Variants in MPZL1 observed in about 807,000 individuals in gnomAD.
MPZL1 encodes the protein myelin protein zero like 1.
Under a neutral mutation model 29.3 loss-of-function variants are expected in MPZL1, and 16 were observed. The observed-to-expected ratio is 0.55, with a 90% CI of 0.37 to 0.83. MPZL1 has a LOEUF of 0.83. Among genes scored for constraint, MPZL1 ranks in the 40% least tolerant of loss-of-function variants. MPZL1 has a pLI of 0.00. For synonymous variants in MPZL1, 143 were observed against 132.0 expected (o/e 1.08, Z -0.57); for missense variants, 279 against 332.9 (o/e 0.84, Z 1.26).
chr1:167,772,163 G>A, intron 2 of MPZL1, 112 bp from the exon 3 acceptor site: 1 of 827,190 alleles, frequency 1.2e-6, no homozygotes, highest in Non-Finnish European at 1.9e-6. Flanking sequence ...GAGAGATGTT[G>A]CATTTCTTTC....
At chr1:167,736,443 G>GA (rs1660380055) in intron 1 of MPZL1, among the ~76,000 whole-genome samples, 1 of 152,048 alleles carries the variant, frequency 6.6e-6, no homozygotes, top group Non-Finnish European at 1.5e-5. Flanking sequence ...ATGTCCAGAG[G>GA]CACCTCAAAC....
chr1:167,725,215 C>G (rs1239297573), intron 1 of MPZL1, among the ~76,000 whole-genome samples: 1 of 152,188 alleles, frequency 6.6e-6, no homozygotes, highest in Admixed American at 6.6e-5. Context: ...TCTACCTCCA[C>G]TCCTAGCCTT....
At chr1:167,761,842 A>G (rs1311111872) in intron 1 of MPZL1, among the ~76,000 whole-genome samples, 2 of 152,194 alleles carry the variant, frequency 1.3e-5, no homozygotes, top group Non-Finnish European at 2.9e-5. Flanking sequence ...TTCCAGGTGA[A>G]GGCCCTGAAG....
rs560160551 is a variant in MPZL1, at chr1:167,776,204, C to T, written c.708+38C>T. On this transcript the variant is annotated intron_variant, in intron 5 of 5. Transcript: ENST00000359523. ...TGCGATTCTGCCCACTGCACTGTTC[C>T]CTACAGCTTGGTGCTCTGTCACTTC... The T allele has an allele frequency of 2.0e-6, 3 of 1,482,826 alleles. No individual in the cohort carries two copies. The African/African-American group carries it at 4.2e-5, about 21-fold the overall frequency. 91.9% of individuals were successfully genotyped at this position (1,482,826 alleles called of 1,614,324 possible).
At chr1:167,768,055 T>G (rs1217206949) in intron 2 of MPZL1, among the ~76,000 whole-genome samples, 1 of 152,074 alleles carries the variant, frequency 6.6e-6, no homozygotes. Context: ...GTGTGCCTGG[T>G]CTTGTGCAGT....
At chr1:167,754,796 A>G (rs968092808) in intron 1 of MPZL1, among the ~76,000 whole-genome samples, 1 of 152,186 alleles carries the variant, frequency 6.6e-6, no homozygotes, top group Non-Finnish European at 1.5e-5. Flanking sequence ...CCTGATACCC[A>G]GGCCATACCC....
At chr1:167,740,285 G>A (rs1165266101) in intron 1 of MPZL1, among the ~76,000 whole-genome samples, 1 of 152,084 alleles carries the variant, frequency 6.6e-6, no homozygotes, top group Admixed American at 6.5e-5. Flanking sequence ...TACAAAAATG[G>A]ACTATACTCC....
At chr1:167,748,436 C>T (rs1267010347) in intron 1 of MPZL1, among the ~76,000 whole-genome samples, 1 of 152,064 alleles carries the variant, frequency 6.6e-6, no homozygotes, top group Non-Finnish European at 1.5e-5. Context: ...CTATGTATGT[C>T]TTTGGAGAAA....
At chr1:167,785,861 T>A (rs927437824) in intron 5 of MPZL1, among the ~76,000 whole-genome samples, 4 of 152,198 alleles carry the variant, frequency 2.6e-5, no homozygotes, top group African/African-American at 9.6e-5. Context: ...GGCGCTATCT[T>A]GGCTCACTGT....
chr1:167,744,070 A>G (rs185510382), intron 1 of MPZL1, among the ~76,000 whole-genome samples: 1 of 152,160 alleles, frequency 6.6e-6, no homozygotes, highest in African/African-American at 2.4e-5. Flanking sequence ...TATTACATTG[A>G]GGTATGTAAT....
chr1:167,740,433 A>G (rs190659258), intron 1 of MPZL1, among the ~76,000 whole-genome samples: 13 of 152,114 alleles, frequency 8.5e-5, no homozygotes, highest in Non-Finnish European at 1.6e-4. Flanking sequence ...GTTCTTCCCT[A>G]TAGCCACCTT....
chr1:167,768,277 T>C (rs1454146304), intron 2 of MPZL1, among the ~76,000 whole-genome samples: 3 of 152,200 alleles, frequency 2.0e-5, no homozygotes, highest in Non-Finnish European at 4.4e-5. Context: ...TGTTCTCTTA[T>C]GGCATCACTT....
intron 1 of MPZL1, among the ~76,000 whole-genome samples, chr1:167,751,531 CGTGGT>C (rs1660756758): frequency 1.3e-5 from 2 of 151,902 alleles, no homozygotes; most frequent in Admixed American, 1.3e-4. Context: ...ATTAGCCGGG[CGTGGT>C]GGCTCGCGCC....
intron 1 of MPZL1, among the ~76,000 whole-genome samples, chr1:167,733,648 G>A (rs1477619965): frequency 6.6e-6 from 1 of 152,182 alleles, no homozygotes; most frequent in African/African-American, 2.4e-5. Context: ...AGGAGGCTGA[G>A]GCACAAGAAT....
At chr1:167,728,829 T>C (rs901259414) in intron 1 of MPZL1, among the ~76,000 whole-genome samples, 15 of 152,316 alleles carry the variant, frequency 9.8e-5, no homozygotes, top group African/African-American at 3.6e-4. Context: ...CCCCATAGAA[T>C]GAAATCTATG....
intron 5 of MPZL1, among the ~76,000 whole-genome samples, chr1:167,785,214 G>T (rs1661568465): frequency 6.6e-6 from 1 of 152,188 alleles, no homozygotes; most frequent in African/African-American, 2.4e-5. Flanking sequence ...TCTGCAGTTG[G>T]CTAGAAGGTT....
At chr1:167,760,482 C>T (rs999129272) in intron 1 of MPZL1, among the ~76,000 whole-genome samples, 3 of 152,068 alleles carry the variant, frequency 2.0e-5, no homozygotes, top group East Asian at 1.9e-4. Flanking sequence ...GGATTACAAA[C>T]GTGAGCCACC....
chr1:167,768,724 TA>T (rs1661173367), intron 2 of MPZL1, among the ~76,000 whole-genome samples: 1 of 152,216 alleles, frequency 6.6e-6, no homozygotes, highest in South Asian at 2.1e-4. Flanking sequence ...AGTACAGAGA[TA>T]AATACATCTT....
chr1:167,778,345 G>T (rs1383988393), intron 5 of MPZL1, among the ~76,000 whole-genome samples: 3 of 151,500 alleles, frequency 2.0e-5, no homozygotes, highest in Non-Finnish European at 2.9e-5. Flanking sequence ...CAACTATCAG[G>T]CATAAAAAGA....
Sources: allele counts gnomAD v4.1 joint callset (sites outside exome capture counted in the v4.1 genomes callset), GRCh38; gene constraint gnomAD v4.1.1; transcripts MANE v1.5; gene names NCBI Gene and HGNC (gene_info 2026-07-23, HGNC 2026-07-21).